The following OASL variants were observed in gnomAD, a reference collection of about 807,000 sequenced individuals.
OASL encodes the protein 2'-5'-oligoadenylate synthase-like protein.
In OASL, 28 loss-of-function variants were observed where a neutral mutation model predicts 35.3. That is an observed-to-expected ratio of 0.79 (90% CI 0.59 to 1.09). The LOEUF is 1.09. Ranked by LOEUF, OASL falls within the 50% of genes least tolerant of loss-of-function variation. The pLI is 0.00. For missense variants in OASL, 620 were observed against 635.2 expected, an observed-to-expected ratio of 0.98 and a Z score of 0.26; for synonymous variants, 252 against 254.6, an observed-to-expected ratio of 0.99 and a Z score of 0.10.
chr12:121,023,276 C>CTT (rs200607939), intron 5 of OASL, among the ~76,000 whole-genome samples: 16 of 115,490 alleles, frequency 1.4e-4, no homozygotes, highest in South Asian at 2.7e-4. Flanking sequence ...AGGGTGGTGT[C>CTT]TTTTTTTTTT....
rs1350166785 is a variant in OASL, at chr12:121,020,963, C to G, written c.1143G>C (p.Glu381Asp). Reference sequence around the variant, plus strand: ...AGTAGCCCCTGGTCCTCCGGATTTTCTCTTTAACCTTCCTTATGGGCTCAT... The same window carrying G: ...AGTAGCCCCTGGTCCTCCGGATTTTGTCTTTAACCTTCCTTATGGGCTCAT... Residue 381 changes from glutamate (E) to aspartate (D), a missense_variant, in exon 6 of 6, where the codon GAG becomes GAC. Transcript: ENST00000257570. 1.9e-6 allele frequency: 3 copies of G among 1,614,036 alleles called. No individual in the cohort carries two copies. The African/African-American group carries it at 4.0e-5, about 22-fold the overall frequency.
At chr12:121,038,633 C>G in intron 1 of OASL, 141 bp downstream of exon 1, 2 of 733,142 alleles carry the variant, frequency 2.7e-6, no homozygotes, top group Non-Finnish European at 4.6e-6. Context: ...GGGGTGTAGA[C>G]AGCTAGGTGG....
At chr12:121,029,924 T>TA (rs575167023) in intron 3 of OASL, among the ~76,000 whole-genome samples, 93 of 152,050 alleles carry the variant, frequency 6.1e-4, no homozygotes, top group African/African-American at 2.1e-3. Context: ...AGTGAATAGA[T>TA]AAAAAAAATA....
exon 5 of OASL, chr12:121,024,036 C>T: frequency 6.2e-7 from 1 of 1,614,204 alleles, no homozygotes; most frequent in Non-Finnish European, 8.5e-7. Flanking sequence ...GTCATAGCAA[C>T]AGTCCTGTTT....
chr12:121,023,980 G>A lies in OASL; in HGVS notation c.1047+10C>T, dbSNP rs965667569. ...TTCAAGCCCTTGACAGCCCAGAGAG[G>A]AGCCATTACCTTCACGTTCCAGCTG... On this transcript the variant is annotated intron_variant, in intron 5 of 5. Coordinates refer to ENST00000257570, the Ensembl canonical transcript of OASL. The A allele has an allele frequency of 6.2e-6, 10 of 1,613,816 alleles. No individual in the cohort carries two copies. Among genetic ancestry groups the A allele is most frequent in the Non-Finnish European group, 8.5e-6 (10 of 1,179,894 alleles).
At chr12:121,031,385 C>A in intron 3 of OASL, 57 bp downstream of exon 3, 1 of 1,564,468 alleles carries the variant, frequency 6.4e-7, no homozygotes, top group Non-Finnish European at 8.7e-7. Context: ...CAGGCCCTGC[C>A]TTTCCTCCTC....
At chr12:121,033,582 G>A (rs1231074580) in exon 2 of OASL, 1 of 1,614,204 alleles carries the variant, frequency 6.2e-7, no homozygotes, top group East Asian at 2.2e-5. Context: ...CGAGCCCGAG[G>A]TCCAGCAGGT....
intron 4 of OASL, among the ~76,000 whole-genome samples, chr12:121,025,446 G>A (rs1464528676): frequency 6.6e-6 from 1 of 152,068 alleles, no homozygotes; most frequent in African/African-American, 2.4e-5. Flanking sequence ...TATTAACTTG[G>A]GGTGACTGCA....
At chr12:121,036,943 G>A (rs1165039674) in intron 1 of OASL, among the ~76,000 whole-genome samples, 1 of 152,222 alleles carries the variant, frequency 6.6e-6, no homozygotes, top group Non-Finnish European at 1.5e-5. Flanking sequence ...GTGGGTTTGA[G>A]AAAGAAGAGT....
exon 4 of OASL, chr12:121,027,736 C>A (rs140216868): frequency 1.2e-6 from 2 of 1,613,984 alleles, no homozygotes; most frequent in African/African-American, 2.7e-5. Flanking sequence ...TCTTCAGTAC[C>A]CATTTCCCAG....
At chr12:121,017,919 C>T (rs1334772994), downstream of OASL, among the ~76,000 whole-genome samples, 10 of 152,214 alleles carry the variant, frequency 6.6e-5, no homozygotes, top group Non-Finnish European at 1.5e-5. Flanking sequence ...TCACAGGAGC[C>T]TGTTGCAGGA....
intron 3 of OASL, among the ~76,000 whole-genome samples, chr12:121,030,790 A>G (rs1869694860): frequency 6.6e-6 from 1 of 152,142 alleles, no homozygotes; most frequent in Non-Finnish European, 1.5e-5. Context: ...GAATGGCCAC[A>G]GTACCCGGCG....
At chr12:121,030,762 T>C (rs1307603901) in intron 3 of OASL, among the ~76,000 whole-genome samples, 3 of 152,134 alleles carry the variant, frequency 2.0e-5, no homozygotes, top group Non-Finnish European at 4.4e-5. Context: ...CCCTTGTTAG[T>C]CCTTAACCTG....
downstream of OASL, among the ~76,000 whole-genome samples, chr12:121,018,433 G>A (rs1869112743): frequency 6.6e-6 from 1 of 152,044 alleles, no homozygotes; most frequent in Non-Finnish European, 1.5e-5. Context: ...TGGCGCGAGT[G>A]GCCTTGCGCC....
intron 4 of OASL, among the ~76,000 whole-genome samples, chr12:121,026,680 T>C (rs886444245): frequency 5.3e-5 from 8 of 152,052 alleles, no homozygotes; most frequent in Admixed American, 2.6e-4. Context: ...GGCAAAGCAC[T>C]GTCTCTACAA....
chr12:121,028,253 T>A (rs943139780), intron 3 of OASL, among the ~76,000 whole-genome samples: 2 of 152,156 alleles, frequency 1.3e-5, no homozygotes, highest in African/African-American at 4.8e-5. Context: ...CTAGCAGACA[T>A]TCTTTCCTTC....
exon 4 of OASL, chr12:121,027,734 A>G: frequency 6.2e-7 from 1 of 1,614,102 alleles, no homozygotes; most frequent in Non-Finnish European, 8.5e-7. Context: ...CTTCTTCAGT[A>G]CCCATTTCCC....
chr12:121,023,892 CTGT>C (rs1869363400), intron 5 of OASL, 95 bp downstream of exon 5: 8 of 1,446,554 alleles, frequency 5.5e-6, no homozygotes, highest in Middle Eastern at 1.8e-4. Context: ...CTCTAAAGTT[CTGT>C]TCTCCATCAA....
At chr12:121,021,776 A>G (rs1869247771) in intron 5 of OASL, among the ~76,000 whole-genome samples, 1 of 152,200 alleles carries the variant, frequency 6.6e-6, no homozygotes, top group Non-Finnish European at 1.5e-5. Context: ...GCACCACTGC[A>G]CTCCAGCCTG....
Sources: allele counts gnomAD v4.1 joint callset (sites outside exome capture counted in the v4.1 genomes callset), GRCh38; gene constraint gnomAD v4.1.1; transcripts MANE v1.5; gene names NCBI Gene and HGNC (gene_info 2026-07-23, HGNC 2026-07-21).